The following AFF2 variants were observed in gnomAD, a reference collection of about 807,000 sequenced individuals.
The protein encoded by AFF2 is AF4/FMR2 family member 2.
In AFF2, 14 loss-of-function variants were observed where a neutral mutation model predicts 76.9. The observed-to-expected ratio is 0.18, with a 90% CI of 0.12 to 0.28. The LOEUF is 0.28. Ranked by LOEUF, AFF2 falls within the 10% of genes least tolerant of loss-of-function variation. The pLI, the probability that AFF2 is intolerant of heterozygous loss-of-function variation, is 1.00. For synonymous variants in AFF2, 398 were observed against 366.7 expected (o/e 1.09, Z -0.98); for missense variants, 868 against 1,001.1 (o/e 0.87, Z 1.79).
chrX:148,717,967 G>C (rs2055045889), intron 3 of AFF2, among the ~76,000 whole-genome samples: 1 of 109,982 alleles, frequency 9.1e-6, no homozygotes, highest in African/African-American at 3.3e-5. Flanking sequence ...CCCAGAATTT[G>C]ATCATACATT....
rs556957164 is a variant in AFF2, at chrX:148,945,424, G to T, written c.1398-8156G>T. Among the ~76,000 whole-genome samples the T allele has an allele frequency of 3.6e-5, 4 of 112,101 alleles. 1 individual carries two copies. The South Asian group carries it at 1.5e-3, about 42-fold the overall frequency. On this transcript the variant is annotated intron_variant, in intron 9 of 20. Coordinates refer to ENST00000370460, the MANE Select transcript of AFF2 (RefSeq NM_002025.4). ...AAATTCACAGTTCACCTTAAAATTG[G>T]GTTTTAGCCTTTAGTTTCAAATTCG... is the stretch of plus-strand genomic sequence containing the variant.
chrX:148,621,932 C>A (rs1450752445), intron 1 of AFF2, among the ~76,000 whole-genome samples: 1 of 111,974 alleles, frequency 8.9e-6, no homozygotes, highest in Non-Finnish European at 1.9e-5. Flanking sequence ...TTTGCAATTA[C>A]TAAATTATGA....
At chrX:148,562,441 G>T (rs1231696819) in intron 1 of AFF2, among the ~76,000 whole-genome samples, 1 of 111,648 alleles carries the variant, frequency 9.0e-6, no homozygotes, top group Admixed American at 9.5e-5. Context: ...TGGGCCCCTT[G>T]TTTTCTGCAA....
chrX:148,711,486 C>A (rs186689564), intron 3 of AFF2, among the ~76,000 whole-genome samples: 1 of 112,028 alleles, frequency 8.9e-6, no homozygotes, highest in East Asian at 2.8e-4. Context: ...AGTTTTATTG[C>A]ACTGTATTTC....
rs367625127 is a variant in AFF2 at position 148,837,856 on chromosome X, C to G, written c.1173+123C>G. Reference sequence around the variant, plus strand: ...GTGCCATAAAATCTAGACTCTCTTGCCCCTCAGAATAGCAATATAAAAATA... The same window carrying G: ...GTGCCATAAAATCTAGACTCTCTTGGCCCTCAGAATAGCAATATAAAAATA... On this transcript the variant is annotated intron_variant, in intron 5 of 20. Transcript: ENST00000370460. 3 of 461,641 alleles carry G rather than the reference C, an allele frequency of 6.5e-6. No homozygotes were observed. The African/African-American group carries it at 7.4e-5, about 11-fold the overall frequency. 38.0% of individuals were successfully genotyped at this position (461,641 alleles called of 1,213,427 possible). A position where few individuals can be genotyped will look rare whatever the true frequency, so the allele number is the denominator to read the frequency against.
intron 13 of AFF2, among the ~76,000 whole-genome samples, chrX:148,966,426 A>G (rs1294838065): frequency 9.1e-6 from 1 of 110,006 alleles, no homozygotes; most frequent in Non-Finnish European, 1.9e-5. Flanking sequence ...CTCTTTGTCC[A>G]TGCATCTCTT....
intron 3 of AFF2, among the ~76,000 whole-genome samples, chrX:148,778,706 C>T (rs1035632899): frequency 2.7e-5 from 3 of 111,163 alleles, no homozygotes; most frequent in African/African-American, 6.5e-5. Context: ...TCCCCTTTAT[C>T]GTTTTTTATT....
intron 3 of AFF2, among the ~76,000 whole-genome samples, chrX:148,681,725 AAAGAAAGAAAG>A (rs1430424696): frequency 9.0e-6 from 1 of 111,117 alleles, no homozygotes; most frequent in Non-Finnish European, 1.9e-5. Flanking sequence ...AGAAAGAAGG[AAAGAAAGAAAG>A]AAGAAAGAAA....
intron 1 of AFF2, among the ~76,000 whole-genome samples, chrX:148,521,197 A>C (rs968858062): frequency 6.3e-5 from 7 of 111,603 alleles, no homozygotes; most frequent in African/African-American, 2.3e-4. Context: ...ATTTGTGTGG[A>C]GGCTCTGATA....
At chrX:148,576,230 G>A (rs782560566) in intron 1 of AFF2, among the ~76,000 whole-genome samples, 1 of 111,785 alleles carries the variant, frequency 8.9e-6, no homozygotes, top group East Asian at 2.8e-4. Context: ...TTTCCTACAA[G>A]TTCTGCAATG....
chrX:148,558,178 C>A (rs1557239933), intron 1 of AFF2, among the ~76,000 whole-genome samples: 1 of 112,151 alleles, frequency 8.9e-6, no homozygotes, highest in Non-Finnish European at 1.9e-5. Flanking sequence ...ACAAAAGAAT[C>A]AAGGCAAAAG....
chrX:148,939,800 C>T (rs1557285391), intron 9 of AFF2, among the ~76,000 whole-genome samples: 2 of 111,895 alleles, frequency 1.8e-5, no homozygotes, highest in African/African-American at 3.2e-5. Flanking sequence ...CATATACACT[C>T]ACTCAAATGC....
chrX:148,714,032 G>C (rs1031287735), intron 3 of AFF2, among the ~76,000 whole-genome samples: 2 of 111,866 alleles, frequency 1.8e-5, no homozygotes, highest in African/African-American at 3.2e-5. Flanking sequence ...TGTGACCCAG[G>C]TAATAGTGCA....
intron 13 of AFF2, among the ~76,000 whole-genome samples, chrX:148,964,724 G>C (rs782491402): frequency 7.2e-4 from 81 of 111,991 alleles, no homozygotes; most frequent in Non-Finnish European, 1.0e-3. Context: ...ACAACAATGT[G>C]AATGTACTTA....
chrX:148,701,012 A>AGAATG (rs782232655), intron 3 of AFF2, among the ~76,000 whole-genome samples: 1,486 of 73,635 alleles, frequency 0.02, 12 homozygotes, highest in African/African-American at 0.026. Flanking sequence ...GAGAGAGAGA[A>AGAATG]TGTGTGTGTG....
At position 148,591,278 on chromosome X, in the gene AFF2, A is replaced by G. The variant is rs542251842; in HGVS notation, c.48-60721A>G. On this transcript the variant is annotated intron_variant, in intron 1 of 20. Coordinates refer to ENST00000370460, the MANE Select transcript of AFF2 (RefSeq NM_002025.4). ...TGGGCACTGTTTACATGGAAGGAAC[A>G]CTTGACTATATGTGGAAGCTTGTCT... Among the ~76,000 whole-genome samples the G allele has an allele frequency of 3.6e-5, 4 of 111,762 alleles. No individual in the cohort carries two copies. The South Asian group carries it at 1.5e-3, about 41-fold the overall frequency.
At chrX:148,769,709 GA>G (rs2069562945) in intron 3 of AFF2, among the ~76,000 whole-genome samples, 1 of 110,676 alleles carries the variant, frequency 9.0e-6, no homozygotes. Flanking sequence ...GAGTAGTATG[GA>G]AAATGATGCT....
intron 2 of AFF2, among the ~76,000 whole-genome samples, chrX:148,660,735 C>A (rs138036317): frequency 6.9e-4 from 77 of 112,108 alleles, no homozygotes; most frequent in Middle Eastern, 4.6e-3. Context: ...ATACTGGTAG[C>A]CTTCTATCAT....
intron 1 of AFF2, among the ~76,000 whole-genome samples, chrX:148,538,883 ACT>A (rs1193695266): frequency 1.8e-5 from 2 of 111,082 alleles, no homozygotes; most frequent in African/African-American, 6.6e-5. Context: ...TTTATACTAC[ACT>A]GTTTCTCTTA....
Sources: gnomAD v4.1 joint callset for allele counts (sites outside exome capture counted in the v4.1 genomes callset) on GRCh38, gnomAD v4.1.1 for gene constraint, MANE v1.5 for transcripts, NCBI Gene and HGNC (gene_info 2026-07-23, HGNC 2026-07-21) for gene names.